Variants in RGMA observed in about 807,000 individuals in gnomAD.
The protein encoded by RGMA is repulsive guidance molecule A.
RGMA carries 10 observed loss-of-function variants against 23.2 expected under a neutral mutation model. That is an observed-to-expected ratio of 0.43 (90% CI 0.27 to 0.73). RGMA has a LOEUF of 0.73. Among genes scored for constraint, RGMA ranks in the 30% least tolerant of loss-of-function variants. The pLI is 0.20. For synonymous variants in RGMA, 308 were observed against 279.3 expected (o/e 1.10, Z -1.03); for missense variants, 547 against 630.5 (o/e 0.87, Z 1.42).
chr15:93,047,045 A>AGC (rs2054834913), intron 3 of RGMA, among the ~76,000 whole-genome samples: 1 of 152,244 alleles, frequency 6.6e-6, no homozygotes, highest in South Asian at 2.1e-4. Flanking sequence ...ATGTAGGCTC[A>AGC]GAGAGAGGCA....
At chr15:93,079,990 A>T (rs1470419308) in intron 1 of RGMA, among the ~76,000 whole-genome samples, 2 of 152,142 alleles carry the variant, frequency 1.3e-5, no homozygotes, top group Non-Finnish European at 2.9e-5. Flanking sequence ...TGTAAAGAAT[A>T]TCACCTGAGC....
intron 1 of RGMA, 134 bp from the exon 2 acceptor site, chr15:93,073,165 T>TCCCGCGCCGCCC: frequency 5.9e-6 from 7 of 1,184,800 alleles, no homozygotes; most frequent in Non-Finnish European, 6.3e-6. Context: ...GCGCTCCCCT[T>TCCCGCGCCGCCC]CCCGCGCCGC....
intron 1 of RGMA, among the ~76,000 whole-genome samples, chr15:93,074,893 G>A (rs1009640196): frequency 3.3e-5 from 5 of 152,218 alleles, no homozygotes; most frequent in African/African-American, 1.2e-4. Context: ...TCACGAGCTA[G>A]TTCTAGAGTC....
chr15:93,076,149 G>A (rs1266652005), intron 1 of RGMA, among the ~76,000 whole-genome samples: 2 of 152,202 alleles, frequency 1.3e-5, no homozygotes, highest in African/African-American at 4.8e-5. Flanking sequence ...AGTATGTGGT[G>A]TCCCCTAGGC....
intron 2 of RGMA, among the ~76,000 whole-genome samples, chr15:93,060,525 G>T (rs890201903): frequency 6.6e-6 from 1 of 152,192 alleles, no homozygotes; most frequent in African/African-American, 2.4e-5. Context: ...AGACAGAGTG[G>T]CTCCCAGACC....
At chr15:93,051,054 G>A (rs2054910370) in intron 3 of RGMA, among the ~76,000 whole-genome samples, 1 of 152,220 alleles carries the variant, frequency 6.6e-6, no homozygotes, top group Non-Finnish European at 1.5e-5. Flanking sequence ...ATGTTGTGGT[G>A]CCAAGGGCCC....
intron 2 of RGMA, among the ~76,000 whole-genome samples, chr15:93,063,465 T>C (rs1895037417): frequency 6.6e-6 from 1 of 152,176 alleles, no homozygotes; most frequent in Admixed American, 6.5e-5. Flanking sequence ...GCCAGAGCAG[T>C]ATTCGGGAGT....
intron 3 of RGMA, among the ~76,000 whole-genome samples, chr15:93,047,215 G>A (rs1447925130): frequency 6.6e-6 from 1 of 152,192 alleles, no homozygotes; most frequent in Non-Finnish European, 1.5e-5. Flanking sequence ...TCTGCCGTCC[G>A]CGTCCTGGGT....
chr15:93,047,747 T>G (rs965845708), intron 3 of RGMA, among the ~76,000 whole-genome samples: 8 of 152,098 alleles, frequency 5.3e-5, no homozygotes, highest in Non-Finnish European at 1.2e-4. Context: ...GGGGGAGGCA[T>G]GAGGACTGCC....
intron 2 of RGMA, among the ~76,000 whole-genome samples, chr15:93,069,705 C>T (rs552189183): frequency 6.6e-6 from 1 of 152,322 alleles, no homozygotes; most frequent in Non-Finnish European, 1.5e-5. Context: ...GTAACTGCTT[C>T]TATAGGTCTG....
intron 1 of RGMA, 76 bp from the exon 2 acceptor site, chr15:93,073,107 G>A: frequency 7.2e-7 from 1 of 1,394,212 alleles, no homozygotes; most frequent in Non-Finnish European, 9.4e-7. Flanking sequence ...CCGCCGGCGG[G>A]AGCAGCGAGC....
intron 2 of RGMA, among the ~76,000 whole-genome samples, chr15:93,053,018 G>A (rs1298563925): frequency 1.3e-5 from 2 of 152,208 alleles, no homozygotes; most frequent in Non-Finnish European, 2.9e-5. Context: ...AGTGTGAAGT[G>A]ATTTATCACG....
At chr15:93,068,781 G>A (rs1895234213) in intron 2 of RGMA, among the ~76,000 whole-genome samples, 1 of 152,178 alleles carries the variant, frequency 6.6e-6, no homozygotes, top group Non-Finnish European at 1.5e-5. Flanking sequence ...AGGGATCTGG[G>A]AAGTGATTAG....
chr15:93,051,786 T>C (rs1419045866), intron 3 of RGMA, among the ~76,000 whole-genome samples: 1 of 152,216 alleles, frequency 6.6e-6, no homozygotes, highest in Non-Finnish European at 1.5e-5. Context: ...AGTGGAGCTA[T>C]GCCTGCCAGG....
intron 2 of RGMA, among the ~76,000 whole-genome samples, chr15:93,062,584 G>C (rs1207742330): frequency 6.6e-6 from 1 of 152,186 alleles, no homozygotes; most frequent in East Asian, 1.9e-4. Context: ...ATGTCGCTCA[G>C]CTTCAAACCA....
intron 2 of RGMA, among the ~76,000 whole-genome samples, chr15:93,071,810 C>A (rs922098817): frequency 6.6e-6 from 1 of 152,190 alleles, no homozygotes; most frequent in African/African-American, 2.4e-5. Flanking sequence ...CTCAGTAGTG[C>A]GCGGGGGCTG....
Position 93,043,678 on chromosome 15 carries a change from G to C in RGMA, c.*1320C>G, listed in dbSNP as rs2054762136. The C allele has an allele frequency of 6.6e-6, 1 of 151,908 alleles. No homozygotes were observed. Among genetic ancestry groups the C allele is most frequent in the African/African-American group, 2.4e-5 (1 of 41,272 alleles). 9.4% of individuals were successfully genotyped at this position (151,908 alleles called of 1,614,324 possible). A position where few individuals can be genotyped will look rare whatever the true frequency, so the allele number is the denominator to read the frequency against. ...CGCCCACACACGGTTCTGGCAGAGG[G>C]AGCAGGACCTCTTGGAGGGAGGGGG... On this transcript the variant is annotated 3_prime_UTR_variant, in exon 4 of 4. Coordinates refer to ENST00000329082, the MANE Select transcript of RGMA (RefSeq NM_020211.3).
chr15:93,088,394 C>T, intron 1 of RGMA: 1 of 985,706 alleles, frequency 1.0e-6, no homozygotes, highest in Non-Finnish European at 1.2e-6. Context: ...ATCCAAGGTC[C>T]GCACCTTCCC....
At position 93,073,055 on chromosome 15, in the gene RGMA, A is replaced by G. The variant is rs191403910; in HGVS notation, c.15-24T>C. 1.9e-3 allele frequency: 2,682 copies of G among 1,417,234 alleles called. 43 individuals carry two copies. The African/African-American group carries it at 0.06, about 32-fold the overall frequency. 87.8% of individuals were successfully genotyped at this position (1,417,234 alleles called of 1,614,324 possible). On this transcript the variant is annotated intron_variant, in intron 1 of 3. Transcript: ENST00000329082. Reference sequence around the variant, plus strand: ...CCCTGGAAGAAGAGTTCAGAAAAAAAGAAGAAAATAAATCACGCTGCGAAG... The same window carrying G: ...CCCTGGAAGAAGAGTTCAGAAAAAAGGAAGAAAATAAATCACGCTGCGAAG...
Sources: allele counts gnomAD v4.1 joint callset (sites outside exome capture counted in the v4.1 genomes callset), GRCh38; gene constraint gnomAD v4.1.1; transcripts MANE v1.5; gene names NCBI Gene and HGNC (gene_info 2026-07-23, HGNC 2026-07-21).